ZBTB44: variants seen among roughly 807,000 people sequenced by gnomAD.
ZBTB44 encodes zinc finger and BTB domain containing 44, also known as zinc finger and BTB domain-containing protein 44.
Under a neutral mutation model 54.0 loss-of-function variants are expected in ZBTB44, and 15 were observed. That is an observed-to-expected ratio of 0.28 (90% CI 0.19 to 0.43). The LOEUF (loss-of-function observed/expected upper bound fraction) is 0.43, where lower values mean the gene tolerates loss of function less well. Among genes scored for constraint, ZBTB44 ranks in the 20% least tolerant of loss-of-function variants. The probability of loss-of-function intolerance (pLI) is 1.00; values close to 1 mark genes in which losing one functional copy is unlikely to be tolerated. For synonymous variants in ZBTB44, 230 were observed against 250.1 expected (o/e 0.92, Z 0.76); for missense variants, 487 against 707.1 (o/e 0.69, Z 3.53).
chr11:130,252,994 C>G (rs973924574), intron 2 of ZBTB44, among the ~76,000 whole-genome samples: 4 of 152,090 alleles, frequency 2.6e-5, no homozygotes, highest in African/African-American at 9.7e-5. Context: ...GCAGAAAAGG[C>G]CTTTGACAAA....
chr11:130,312,669 G>C (rs1942681031), intron 1 of ZBTB44, among the ~76,000 whole-genome samples: 1 of 152,136 alleles, frequency 6.6e-6, no homozygotes, highest in South Asian at 2.1e-4. Context: ...AAAAAGAAGA[G>C]GGGATGGATA....
intron 2 of ZBTB44, among the ~76,000 whole-genome samples, chr11:130,242,993 G>C (rs992369675): frequency 6.6e-6 from 1 of 152,100 alleles, no homozygotes; most frequent in African/African-American, 2.4e-5. Context: ...CTCTTCTGTT[G>C]AGTGCAATGT....
rs1411752182 is a variant in ZBTB44 at position 130,231,077 on chromosome 11, C to T, written c.*687G>A. The T allele has an allele frequency of 6.6e-6, 1 of 152,082 alleles. No individual in the cohort carries two copies. Among genetic ancestry groups the T allele is most frequent in the East Asian group, 1.9e-4 (1 of 5,200 alleles). 9.4% of individuals were successfully genotyped at this position (152,082 alleles called of 1,614,324 possible). Reference sequence around the variant, plus strand: ...AAACTGGAATATTTATGTTTAGTTACACTGGTAATTTCTAATGAATGGGAT... The same window carrying T: ...AAACTGGAATATTTATGTTTAGTTATACTGGTAATTTCTAATGAATGGGAT... On this transcript the variant is annotated 3_prime_UTR_variant, in exon 8 of 8. Coordinates refer to ENST00000357899, the MANE Select transcript of ZBTB44 (RefSeq NM_001301098.2).
At chr11:130,282,208 T>A (rs1213490797) in intron 1 of ZBTB44, among the ~76,000 whole-genome samples, 1 of 152,218 alleles carries the variant, frequency 6.6e-6, no homozygotes. Context: ...ATTATATACA[T>A]TCACACTGTG....
intron 1 of ZBTB44, among the ~76,000 whole-genome samples, chr11:130,282,634 T>TA (rs1229257806): frequency 1.3e-5 from 2 of 152,234 alleles, no homozygotes; most frequent in African/African-American, 4.8e-5. Context: ...GAAGGCCACC[T>TA]AGCCCTACAG....
At chr11:130,257,232 A>G (rs1467481877) in intron 2 of ZBTB44, among the ~76,000 whole-genome samples, 2 of 147,452 alleles carry the variant, frequency 1.4e-5, no homozygotes, top group African/African-American at 5.1e-5. Context: ...CATGCATCCC[A>G]GATCTTAAAA....
intron 1 of ZBTB44, among the ~76,000 whole-genome samples, chr11:130,308,327 G>A (rs968027902): frequency 2.0e-5 from 3 of 152,304 alleles, no homozygotes; most frequent in Admixed American, 6.5e-5. Flanking sequence ...ATGTAGTTCC[G>A]TATTCATGGT....
chr11:130,309,986 C>A (rs1295971115), intron 1 of ZBTB44, among the ~76,000 whole-genome samples: 2 of 151,556 alleles, frequency 1.3e-5, no homozygotes, highest in Non-Finnish European at 2.9e-5. Context: ...TAAGTAAAAG[C>A]TACAGTTCTA....
chr11:130,313,210 T>C (rs926139255), intron 1 of ZBTB44, among the ~76,000 whole-genome samples: 4 of 152,224 alleles, frequency 2.6e-5, no homozygotes, highest in African/African-American at 4.8e-5. Flanking sequence ...CTAAGGCAAG[T>C]TGTAATTCTT....
intron 2 of ZBTB44, among the ~76,000 whole-genome samples, chr11:130,247,758 G>A (rs1050195215): frequency 1.3e-5 from 2 of 152,118 alleles, no homozygotes; most frequent in Non-Finnish European, 2.9e-5. Context: ...AAAAACCCAC[G>A]TATTTCATGA....
At chr11:130,244,575 G>C (rs554999942) in intron 2 of ZBTB44, among the ~76,000 whole-genome samples, 1 of 151,518 alleles carries the variant, frequency 6.6e-6, no homozygotes, top group African/African-American at 2.4e-5. Context: ...GCTGAGGCAG[G>C]AGAATGGCGT....
Position 130,261,422 on chromosome 11 carries a change from C to T in ZBTB44, c.452G>A (p.Cys151Tyr), listed in dbSNP as rs377595211. 2 of 1,613,984 alleles carry T rather than the reference C, an allele frequency of 1.2e-6. No homozygotes were observed. The highest frequency in any genetic ancestry group is 2.2e-5 in the East Asian group (1 of 44,878). Reference sequence around the variant, plus strand: ...GCTCCCATCTCGAGAAGTAAAATTGCAGTTAGAATTATTTTCTTGTCCAGC... The same window carrying T: ...GCTCCCATCTCGAGAAGTAAAATTGTAGTTAGAATTATTTTCTTGTCCAGC... The part of the protein sequence containing the change: ...LDAGQENNSN[C>Y]NFTSRDGSIS... Residue 151 changes from cysteine to tyrosine, a missense_variant, in exon 2 of 8, where the codon TGC becomes TAC. Around this residue, in one of 3 missense-constraint regions of ZBTB44, gnomAD observed 277 missense variants for 306.5 expected, o/e 0.90. Coordinates refer to ENST00000357899, the MANE Select transcript of ZBTB44 (RefSeq NM_001301098.2). The surrounding 1 kb of genome is among the most constrained non-coding windows in gnomAD (Gnocchi z 4.8).
chr11:130,283,321 C>G (rs1241059595), intron 1 of ZBTB44, among the ~76,000 whole-genome samples: 1 of 152,166 alleles, frequency 6.6e-6, no homozygotes, highest in East Asian at 1.9e-4. Flanking sequence ...GCTGGGATTA[C>G]AGGCATGAGC....
intron 2 of ZBTB44, among the ~76,000 whole-genome samples, chr11:130,249,406 TTCTTC>T (rs1416864392): frequency 6.6e-6 from 1 of 152,208 alleles, no homozygotes; most frequent in Non-Finnish European, 1.5e-5. Flanking sequence ...TTCATGTAAA[TTCTTC>T]ACAACTATTT....
rs1289251444 is a variant in ZBTB44 at position 130,295,592 on chromosome 11, G to A, written c.-57+18783C>T. On this transcript the variant is annotated intron_variant, in intron 1 of 7. Coordinates refer to ENST00000357899, the MANE Select transcript of ZBTB44 (RefSeq NM_001301098.2). ...AGGAGCATTTGAGGATACTTCATTT[G>A]CTTCTCTACATAATATTGTCAATGA... 1.2e-5 allele frequency: 9 copies of A among 730,970 alleles called. No homozygotes were observed. In the South Asian group the frequency reaches 1.4e-4, roughly 12 times the overall value. 45.3% of individuals were successfully genotyped at this position (730,970 alleles called of 1,614,324 possible).
chr11:130,235,684 T>TA (rs1051272185), intron 5 of ZBTB44, among the ~76,000 whole-genome samples: 1 of 151,718 alleles, frequency 6.6e-6, no homozygotes, highest in African/African-American at 2.4e-5. Context: ...AAAAAGGTTT[T>TA]AAAAATAAGG....
chr11:130,272,198 C>T (rs1939723205), intron 1 of ZBTB44, among the ~76,000 whole-genome samples: 1 of 151,844 alleles, frequency 6.6e-6, no homozygotes, highest in Admixed American at 6.6e-5. Context: ...CGCCACTGTA[C>T]TCCAGCCTGG....
chr11:130,279,567 G>A (rs1340762543), intron 1 of ZBTB44, among the ~76,000 whole-genome samples: 1 of 152,174 alleles, frequency 6.6e-6, no homozygotes, highest in Non-Finnish European at 1.5e-5. Context: ...GCTGAGGCAG[G>A]AGAATCGCTC....
chr11:130,236,967 G>C lies in ZBTB44; in HGVS notation c.1394C>G (p.Thr465Ser). 1 of 1,613,452 alleles carries C rather than the reference G, an allele frequency of 6.2e-7. No homozygotes were observed. Reference protein sequence around the residue: ...FRCQICSATFTSFGEYKHHMR... With the variant: ...FRCQICSATFSSFGEYKHHMR... ...GTGGTGTTTATATTCCCCGAAGGAA[G>C]TGAAAGTGGCACTACATATCTGGCA... is the stretch of plus-strand genomic sequence containing the variant. The change falls in exon 5 of 8, where the codon ACT becomes AGT. Residue 465 changes from threonine (T) to serine (S), a missense_variant. Coordinates refer to ENST00000357899, the MANE Select transcript of ZBTB44 (RefSeq NM_001301098.2).
Sources: gnomAD v4.1 joint callset for allele counts (sites outside exome capture counted in the v4.1 genomes callset) on GRCh38, gnomAD v4.1.1 for gene constraint, gnomAD v4.1.1 regional missense constraint, Gnocchi (gnomAD v3.1) non-coding constraint, MANE v1.5 for transcripts, NCBI Gene and HGNC (gene_info 2026-07-23, HGNC 2026-07-21) for gene names.